UGT3A2: variants seen among roughly 807,000 people sequenced by gnomAD.
The protein encoded by UGT3A2 is UDP glycosyltransferase family 3 member A2.
UGT3A2 carries 32 observed loss-of-function variants against 39.8 expected under a neutral mutation model. The observed-to-expected ratio is 0.80, with a 90% confidence interval of 0.61 to 1.08. The LOEUF (loss-of-function observed/expected upper bound fraction) is 1.08. Ranked by LOEUF, UGT3A2 falls within the 50% of genes least tolerant of loss-of-function variation. The pLI is 0.00. For missense variants in UGT3A2, 611 were observed against 637.1 expected (o/e 0.96, Z 0.44); for synonymous variants, 241 against 230.7 (o/e 1.04, Z -0.40).
At chr5:36,049,553 G>A (rs940702040) in intron 3 of UGT3A2, 133 bp from the exon 4 acceptor site, 4 of 682,016 alleles carry the variant, frequency 5.9e-6, no homozygotes, top group Admixed American at 3.2e-5. Flanking sequence ...AATTCAACCA[G>A]TTTCCCACAA....
chr5:36,043,110 A>G (rs1341352480), intron 4 of UGT3A2, among the ~76,000 whole-genome samples: 3 of 152,114 alleles, frequency 2.0e-5, no homozygotes, highest in Admixed American at 2.0e-4. Context: ...GACCATGTTT[A>G]AGTATAGACC....
intron 3 of UGT3A2, among the ~76,000 whole-genome samples, chr5:36,050,691 G>A (rs540447463): frequency 2.3e-4 from 35 of 152,174 alleles, no homozygotes; most frequent in African/African-American, 6.3e-4. Flanking sequence ...GTGAAATGCC[G>A]TCACTACTAA....
At position 36,039,695 on chromosome 5, in the gene UGT3A2, A is replaced by C. The variant is rs747052753; in HGVS notation, c.857T>G (p.Phe286Cys). Residue 286 changes from phenylalanine (F) to cysteine (C), a missense_variant, in exon 5 of 7, where the codon TTC becomes TGC. Physicochemically the swap from Phe to Cys is radical, Grantham distance 205. Transcript: ENST00000282507. ...ACCAGAGTCCCCAAACTTGGCAATGAAGTTCTCCAAGTCCTGGAGAAAGAT... is the reference window on the plus strand; with the variant it reads ...ACCAGAGTCCCCAAACTTGGCAATGCAGTTCTCCAAGTCCTGGAGAAAGAT... ...IKPVPQDLEN[F>C]IAKFGDSGFV... The C allele has an allele frequency of 6.2e-7, 1 of 1,614,152 alleles. No individual in the cohort carries two copies. Among genetic ancestry groups the C allele is most frequent in the South Asian group, 1.1e-5 (1 of 91,088 alleles).
At chr5:36,048,782 G>T (rs1257532088) in intron 4 of UGT3A2, 107 bp downstream of exon 4, 9 of 1,494,100 alleles carry the variant, frequency 6.0e-6, no homozygotes, top group Non-Finnish European at 8.1e-6. Flanking sequence ...TGCCTCCCTT[G>T]CCTATCCCGA....
chr5:36,062,778 A>G (rs1186379246), intron 2 of UGT3A2, among the ~76,000 whole-genome samples: 1 of 152,186 alleles, frequency 6.6e-6, no homozygotes, highest in African/African-American at 2.4e-5. Flanking sequence ...AGTGGTTCAC[A>G]CCTGTAATCC....
chr5:36,049,169 C>A lies in UGT3A2; in HGVS notation c.563G>T (p.Arg188Leu), dbSNP rs542105516. The change falls in exon 4 of 7, where the codon CGT becomes CTT. Residue 188 changes from arginine to leucine, a missense_variant. Arg to Leu is a moderately radical substitution (Grantham distance 102). Transcript: ENST00000282507. ...GTCCATGTGATCAGTCAGCAAGGAA[C>A]GGAATACTGGAACATAAGACAAGGG... ...PIPLSYVPVF[R>L]SLLTDHMDFW... 2 of 1,614,102 alleles carry A rather than the reference C, an allele frequency of 1.2e-6. No homozygotes were observed. Among genetic ancestry groups the A allele is most frequent in the Non-Finnish European group, 1.7e-6 (2 of 1,180,030 alleles).
At chr5:36,048,857 A>C in intron 4 of UGT3A2, 32 bp downstream of exon 4, 1 of 1,601,090 alleles carries the variant, frequency 6.2e-7, no homozygotes, top group Non-Finnish European at 8.5e-7. Context: ...CCTCTGCGTG[A>C]ATCCCAAACT....
intron 2 of UGT3A2, among the ~76,000 whole-genome samples, chr5:36,057,791 C>T (rs1034592744): frequency 2.6e-5 from 4 of 152,108 alleles, no homozygotes; most frequent in South Asian, 2.1e-4. Context: ...CCTCCTGCCT[C>T]AGCCTCCCAA....
At position 36,064,325 on chromosome 5, in the gene UGT3A2, G is replaced by C. The variant is rs376751323; in HGVS notation, c.120C>G (p.Asp40Glu). 9.3e-6 allele frequency: 15 copies of C among 1,614,144 alleles called. No individual in the cohort carries two copies. Among genetic ancestry groups the C allele is most frequent in the Non-Finnish European group, 1.3e-5 (15 of 1,180,034 alleles). Residue 40 changes from aspartate (D) to glutamate (E), a missense_variant, in exon 2 of 7, where the codon GAC becomes GAG. Transcript: ENST00000282507. Reference sequence around the variant, plus strand: ...GATCTTGAAGAATCTGAGAAACCCGGTCCATCAGTAGATAATGGCTTCCAC... The same window carrying C: ...GATCTTGAAGAATCTGAGAAACCCGCTCCATCAGTAGATAATGGCTTCCAC... ...TVGGSHYLLMDRVSQILQDHG... is the reference protein window; with the variant it reads ...TVGGSHYLLMERVSQILQDHG...
chr5:36,064,579 T>C (rs945620245), intron 1 of UGT3A2, among the ~76,000 whole-genome samples: 1 of 152,206 alleles, frequency 6.6e-6, no homozygotes, highest in African/African-American at 2.4e-5. Flanking sequence ...AGATTGCCTC[T>C]TGTGAATCAC....
At chr5:36,044,229 GA>G (rs1284455858) in intron 4 of UGT3A2, among the ~76,000 whole-genome samples, 15 of 151,906 alleles carry the variant, frequency 9.9e-5, no homozygotes, top group Middle Eastern at 6.8e-3. Flanking sequence ...CAGAATGAAT[GA>G]AAAAAACCAT....
chr5:36,065,198 A>G (rs1255238724), intron 1 of UGT3A2, among the ~76,000 whole-genome samples: 1 of 152,154 alleles, frequency 6.6e-6, no homozygotes, highest in Non-Finnish European at 1.5e-5. Flanking sequence ...AGATCAGAAG[A>G]GAAGGTAATG....
chr5:36,050,862 C>CAAA (rs34970074), intron 3 of UGT3A2, among the ~76,000 whole-genome samples: 2 of 138,882 alleles, frequency 1.4e-5, no homozygotes, highest in Non-Finnish European at 3.1e-5. Flanking sequence ...AACTCCGTCT[C>CAAA]AAAAAAAAAA....
At chr5:36,037,161 G>A (rs1580994099) in intron 6 of UGT3A2, among the ~76,000 whole-genome samples, 1 of 152,200 alleles carries the variant, frequency 6.6e-6, no homozygotes, top group South Asian at 2.1e-4. Flanking sequence ...AGCTACTCGG[G>A]AGGCTGAATC....
chr5:36,047,019 C>T (rs184655913), intron 4 of UGT3A2, among the ~76,000 whole-genome samples: 2 of 152,130 alleles, frequency 1.3e-5, no homozygotes, highest in Non-Finnish European at 2.9e-5. Flanking sequence ...AAGTGTATGT[C>T]GGCTCGCTTC....
chr5:36,040,603 C>A lies in UGT3A2; in HGVS notation c.844-895G>T, dbSNP rs142229277. On this transcript the variant is annotated intron_variant, in intron 4 of 6. Transcript: ENST00000282507. ...GCTCTGCAGTCACAGAGCAAAGCAA[C>A]ACAGGGAAGAATTCAGCTGGCACCC... Among the ~76,000 whole-genome samples the A allele has an allele frequency of 1.6e-4, 25 of 152,128 alleles. 1 individual carries two copies. The East Asian group carries it at 3.7e-3, about 22-fold the overall frequency.
At chr5:36,042,565 G>A (rs564538299) in intron 4 of UGT3A2, among the ~76,000 whole-genome samples, 3 of 152,004 alleles carry the variant, frequency 2.0e-5, no homozygotes, top group Admixed American at 2.0e-4. Context: ...AATGTAAACA[G>A]ACTAAACTCT....
At chr5:36,038,793 A>T (rs1230939148) in intron 5 of UGT3A2, among the ~76,000 whole-genome samples, 1 of 152,238 alleles carries the variant, frequency 6.6e-6, no homozygotes, top group Admixed American at 6.5e-5. Flanking sequence ...GATTCTTTTC[A>T]GCCATGATCT....
Position 36,039,616 on chromosome 5 carries a change from G to C in UGT3A2, c.936C>G (p.Ile312Met). Residue 312 changes from isoleucine (I) to methionine (M), a missense_variant, in exon 5 of 7, where the codon ATC becomes ATG. Coordinates refer to ENST00000282507, the MANE Select transcript of UGT3A2 (RefSeq NM_174914.4). ...CAAAGGCATTGTTCATCTCCTTGAAGATTTCCGGATTCTGACAGGTGTTCA... is the reference window on the plus strand; with the variant it reads ...CAAAGGCATTGTTCATCTCCTTGAACATTTCCGGATTCTGACAGGTGTTCA... ...SMVNTCQNPE[I>M]FKEMNNAFAH... 1 of 1,614,230 alleles carries C rather than the reference G, an allele frequency of 6.2e-7. No homozygotes were observed. Among genetic ancestry groups the C allele is most frequent in the Non-Finnish European group, 8.5e-7 (1 of 1,180,052 alleles).
Sources: allele counts gnomAD v4.1 joint callset (sites outside exome capture counted in the v4.1 genomes callset), GRCh38; gene constraint gnomAD v4.1.1; transcripts MANE v1.5; gene names NCBI Gene and HGNC (gene_info 2026-07-23, HGNC 2026-07-21).